NFIB: variants seen among roughly 807,000 people sequenced by gnomAD.
NFIB encodes the protein nuclear factor 1 B-type.
NFIB carries 11 observed loss-of-function variants against 61.5 expected under a neutral mutation model. That is an observed-to-expected ratio of 0.18 (90% CI 0.11 to 0.30). The LOEUF (loss-of-function observed/expected upper bound fraction) is 0.30. Ranked by LOEUF, NFIB falls within the 10% of genes least tolerant of loss-of-function variation. NFIB has a pLI of 1.00. For missense variants in NFIB, 471 were observed against 608.9 expected, an observed-to-expected ratio of 0.77 and a Z score of 2.38; for synonymous variants, 260 against 216.5, an observed-to-expected ratio of 1.20 and a Z score of -1.76.
At chr9:14,515,458 G>T in the NFIB span, among the ~76,000 whole-genome samples, 1 of 152,092 alleles carries the variant, frequency 6.6e-6, no homozygotes, top group African/African-American at 2.4e-5. Flanking sequence ...CCACTAACTC[G>T]GTAGGCAAGG....
chr9:14,130,067 T>C (rs983002444), intron 6 of NFIB, among the ~76,000 whole-genome samples: 3 of 152,108 alleles, frequency 2.0e-5, no homozygotes, highest in Non-Finnish European at 4.4e-5. Context: ...TTCCAAAAAT[T>C]TGACTTTTTT....
chr9:14,268,411 G>A (rs768068078), intron 2 of NFIB, among the ~76,000 whole-genome samples: 7 of 151,844 alleles, frequency 4.6e-5, no homozygotes, highest in Non-Finnish European at 7.4e-5. Flanking sequence ...CCTCCACTTC[G>A]CCTACACAGG....
At chr9:14,143,581 A>C (rs1345969220) in intron 6 of NFIB, among the ~76,000 whole-genome samples, 1 of 152,224 alleles carries the variant, frequency 6.6e-6, no homozygotes, top group Non-Finnish European at 1.5e-5. Flanking sequence ...GTAAATTTTA[A>C]GGATTTCTGC....
chr9:14,197,832 T>C (rs1209898236), intron 2 of NFIB, among the ~76,000 whole-genome samples: 1 of 152,166 alleles, frequency 6.6e-6, no homozygotes, highest in East Asian at 1.9e-4. Context: ...TGGTCCTCAC[T>C]CTACGAATGC....
At position 14,206,179 on chromosome 9, in the gene NFIB, T is replaced by C. The variant is rs76267613; in HGVS notation, c.563-26399A>G. ...AGTAACTTACTAACTCTCTCTCTCT[T>C]TTTTTTTTTTTTCTTCTTTGAGATG... is the stretch of plus-strand genomic sequence containing the variant. On this transcript the variant is annotated intron_variant, in intron 2 of 10. Transcript: ENST00000380953. 3.5e-4 allele frequency among the ~76,000 whole-genome samples: 34 copies of C among 98,024 alleles called. No homozygotes were observed. The East Asian group carries it at 4.6e-3, about 13-fold the overall frequency. The allele number at this position is 98,024 out of a possible 152,430, so 64.3% of individuals were successfully genotyped here.
At chr9:14,523,975 C>T in the NFIB span, among the ~76,000 whole-genome samples, 1 of 152,104 alleles carries the variant, frequency 6.6e-6, no homozygotes, top group African/African-American at 2.4e-5. Context: ...AAAAAGACGG[C>T]ATAACAATTC....
At chr9:14,333,655 C>T (rs953662095) in intron 1 of NFIB, among the ~76,000 whole-genome samples, 1 of 152,198 alleles carries the variant, frequency 6.6e-6, no homozygotes. Flanking sequence ...TGCCTTGTCT[C>T]TCTTCCTGTG....
intron 2 of NFIB, among the ~76,000 whole-genome samples, chr9:14,286,187 T>C (rs138761888): frequency 1.3e-5 from 2 of 152,200 alleles, no homozygotes; most frequent in African/African-American, 4.8e-5. Context: ...ATTTGTTCCA[T>C]TAAGTGCAAT....
the NFIB span, among the ~76,000 whole-genome samples, chr9:14,429,985 A>T: frequency 1.3e-5 from 2 of 152,260 alleles, no homozygotes; most frequent in South Asian, 4.1e-4. Flanking sequence ...TTAATCAGAA[A>T]ATAAATGTTA....
At position 14,116,300 on chromosome 9, in the gene NFIB, G is replaced by C. The variant is rs539752814; in HGVS notation, c.1292C>G (p.Thr431Ser). Residue 431 changes from threonine to serine, a missense_variant, in exon 9 of 11, where the codon ACT (threonine) becomes AGT (serine). Physicochemically the swap from Thr to Ser is moderately conservative, Grantham distance 58. Around this residue, in one of 2 missense-constraint regions of NFIB, gnomAD observed 372 missense variants for 395.6 expected, o/e 0.94. Coordinates refer to ENST00000380953, the MANE Select transcript of NFIB (RefSeq NM_001190737.2). ...ATGGGGAGAGGGTGCCAAGACAGGAGTGAAATGGCCAGGCACTTTCCCTAC... is the reference window on the plus strand; with the variant it reads ...ATGGGGAGAGGGTGCCAAGACAGGACTGAAATGGCCAGGCACTTTCCCTAC... ...QVVGKVPGHF[T>S]PVLAPSPHPS... 4.5e-5 allele frequency: 70 copies of C among 1,539,070 alleles called. No homozygotes were observed. In the African/African-American group the frequency reaches 8.9e-4, roughly 20 times the overall value.
At chr9:14,480,443 T>G in the NFIB span, among the ~76,000 whole-genome samples, 6 of 152,150 alleles carry the variant, frequency 3.9e-5, no homozygotes, top group South Asian at 6.2e-4. Flanking sequence ...ATTTCCTTGA[T>G]GCTAATCTCA....
At chr9:14,260,276 A>G (rs193222139) in intron 2 of NFIB, among the ~76,000 whole-genome samples, 1 of 152,296 alleles carries the variant, frequency 6.6e-6, no homozygotes, top group East Asian at 1.9e-4. Flanking sequence ...GGATGGCTCA[A>G]TATCTGTAAT....
At chr9:14,478,576 T>C in the NFIB span, among the ~76,000 whole-genome samples, 2 of 152,200 alleles carry the variant, frequency 1.3e-5, no homozygotes, top group African/African-American at 2.4e-5. Flanking sequence ...AATGGGACAA[T>C]ATAATACATA....
At chr9:14,259,221 G>T (rs1362764861) in intron 2 of NFIB, among the ~76,000 whole-genome samples, 1 of 152,192 alleles carries the variant, frequency 6.6e-6, no homozygotes, top group East Asian at 1.9e-4. Flanking sequence ...GAAAAAAGAA[G>T]TCAATTGCTT....
chr9:14,492,219 T>C, the NFIB span, among the ~76,000 whole-genome samples: 10 of 151,642 alleles, frequency 6.6e-5, no homozygotes, highest in East Asian at 1.9e-4. Context: ...AAAAATTAGC[T>C]GGGCGTGGTG....
intron 1 of NFIB, among the ~76,000 whole-genome samples, chr9:14,348,089 A>G (rs918872207): frequency 6.6e-6 from 1 of 152,132 alleles, no homozygotes; most frequent in Non-Finnish European, 1.5e-5. Context: ...CGCCCAACCC[A>G]AGTTCTCCCT....
the NFIB span, among the ~76,000 whole-genome samples, chr9:14,451,492 T>A: frequency 6.6e-6 from 1 of 152,208 alleles, no homozygotes; most frequent in Non-Finnish European, 1.5e-5. Context: ...AATATAAGGA[T>A]GTTTAAAGTA....
In NFIB at chr9:14,307,608, G is replaced by T; in HGVS notation, c.31-88C>A. 1 of 1,278,780 alleles carries T rather than the reference G, an allele frequency of 7.8e-7. No individual in the cohort carries two copies. Among genetic ancestry groups the T allele is most frequent in the Non-Finnish European group, 1.0e-6 (1 of 954,866 alleles). The allele number at this position is 1,278,780 out of a possible 1,614,324, so 79.2% of individuals were successfully genotyped here. On this transcript the variant is annotated intron_variant, in intron 1 of 10. Coordinates refer to ENST00000380953, the MANE Select transcript of NFIB (RefSeq NM_001190737.2). The surrounding 1 kb of genome is among the most constrained non-coding windows in gnomAD (Gnocchi z 5.3). ...AAATAAGAAAAGAAGACCACAACCCGTTTCCAATTCAGTACAAAAAGTTAT... is the reference window on the plus strand; with the variant it reads ...AAATAAGAAAAGAAGACCACAACCCTTTTCCAATTCAGTACAAAAAGTTAT...
chr9:14,140,286 A>C (rs1173157764), intron 6 of NFIB, among the ~76,000 whole-genome samples: 1 of 152,202 alleles, frequency 6.6e-6, no homozygotes, highest in Non-Finnish European at 1.5e-5. Flanking sequence ...TCAACCATCT[A>C]TGACAGCTGC....
Sources: gnomAD v4.1 joint callset for allele counts (sites outside exome capture counted in the v4.1 genomes callset) on GRCh38, gnomAD v4.1.1 for gene constraint, gnomAD v4.1.1 regional missense constraint, Gnocchi (gnomAD v3.1) non-coding constraint, MANE v1.5 for transcripts, NCBI Gene and HGNC (gene_info 2026-07-23, HGNC 2026-07-21) for gene names.